ATP13A2: variants seen among roughly 807,000 people sequenced by gnomAD.
ATP13A2 encodes the protein polyamine-transporting ATPase 13A2.
In ATP13A2, 83 loss-of-function variants were observed where a neutral mutation model predicts 138.3. The observed-to-expected ratio is 0.60, with a 90% CI of 0.50 to 0.72. The LOEUF is 0.72. Ranked by LOEUF, ATP13A2 falls within the 30% of genes least tolerant of loss-of-function variation. The probability of loss-of-function intolerance (pLI) is 0.00; values close to 1 mark genes in which losing one functional copy is unlikely to be tolerated. For missense variants in ATP13A2, 1,402 were observed against 1,606.4 expected, an observed-to-expected ratio of 0.87 and a Z score of 2.17; for synonymous variants, 663 against 699.0, an observed-to-expected ratio of 0.95 and a Z score of 0.81.
intron 11 of ATP13A2, among the ~76,000 whole-genome samples, chr1:16,997,414 C>CGGGGGGGGGGG (rs1379881479): frequency 8.8e-5 from 5 of 56,606 alleles, no homozygotes; most frequent in African/African-American, 9.5e-5. Context: ...CTGGAACCAG[C>CGGGGGGGGGGG]GGGGGGGGGT....
chr1:16,986,527 G>A lies in ATP13A2; in HGVS notation c.3341C>T (p.Thr1114Ile), dbSNP rs1346873117. 1.2e-6 allele frequency: 2 copies of A among 1,612,574 alleles called. No homozygotes were observed. The highest frequency in any genetic ancestry group is 1.7e-6 in the Non-Finnish European group (2 of 1,179,908). Residue 1114 changes from threonine to isoleucine, a missense_variant, in exon 28 of 29, where the codon ACC becomes ATC. Coordinates refer to ENST00000326735, the MANE Select transcript of ATP13A2 (RefSeq NM_022089.4). The surrounding 1 kb of genome is among the most constrained non-coding windows in gnomAD (Gnocchi z 6.9). ...ACCCAGCAGCAGCAGCTTGAAGCCG[G>A]TGTCAGTGATGTTCCTCAGCGCCAG... Reference protein sequence around the residue: ...GPLALRNITDTGFKLLLLGLV... With the variant: ...GPLALRNITDIGFKLLLLGLV...
At chr1:17,002,264 C>G in intron 7 of ATP13A2, 32 bp downstream of exon 7, 1 of 1,608,414 alleles carries the variant, frequency 6.2e-7, no homozygotes, top group Non-Finnish European at 8.5e-7. Flanking sequence ...AGCCCCAGTT[C>G]TCAGGGCACC....
At chr1:17,003,666 CTTT>C (rs71006407) in intron 6 of ATP13A2, among the ~76,000 whole-genome samples, 52 of 129,798 alleles carry the variant, frequency 4.0e-4, no homozygotes, top group Admixed American at 5.5e-4. Flanking sequence ...GTTTCTTTTT[CTTT>C]TTTTTTTTTT....
chr1:16,997,059 A>G lies in ATP13A2; in HGVS notation c.1156T>C (p.Tyr386His). 1 of 1,613,180 alleles carries G rather than the reference A, an allele frequency of 6.2e-7. No homozygotes were observed. The highest frequency in any genetic ancestry group is 8.5e-7 in the Non-Finnish European group (1 of 1,179,986). ...CGTLILQARA[Y>H]VGPHVLAVVT... The stretch of plus-strand genomic sequence containing the variant: ...ACTGCCAGGACGTGCGGTCCCACAT[A>G]GGCCCGGGCCTGCAAGATGAGGGTC... The change falls in exon 12 of 29, where the codon TAT (tyrosine) becomes CAT (histidine). Residue 386 changes from tyrosine (Y) to histidine (H), a missense_variant. Tyr to His is a moderately conservative substitution (Grantham distance 83). Coordinates refer to ENST00000326735, the MANE Select transcript of ATP13A2 (RefSeq NM_022089.4).
At chr1:16,999,380 C>CAAAAA (rs67969184) in intron 11 of ATP13A2, among the ~76,000 whole-genome samples, 2 of 56,158 alleles carry the variant, frequency 3.6e-5, no homozygotes, top group Non-Finnish European at 3.1e-5. Flanking sequence ...AACTCCATCT[C>CAAAAA]AAAAAAAAAA....
In ATP13A2 at chr1:16,988,207, C is replaced by T. The variant is rs3738815; in HGVS notation, c.2790G>A (p.Ser930=). The T allele has an allele frequency of 0.21, 336,426 of 1,613,830 alleles. 39,054 individuals are homozygous for T. Among genetic ancestry groups the T allele is most frequent in the East Asian group, 0.54 (24,074 of 44,850 alleles). Residue 930 remains serine, a synonymous_variant, in exon 25 of 29, where the codon TCG becomes TCA. Coordinates refer to ENST00000326735, the MANE Select transcript of ATP13A2 (RefSeq NM_022089.4). ...GAGCCATGTACTTGAAGACGCTGAA[C>T]GAAGTGTCAAGGGAACAGCGCCCCT... The part of the protein sequence containing the change: ...IREGRCSLDT[S]FSVFKYMALY...
chr1:16,992,543 C>G lies in ATP13A2; in HGVS notation c.1788G>C (p.Gly596=). The G allele has an allele frequency of 6.2e-7, 1 of 1,614,196 alleles. No individual in the cohort carries two copies. The highest frequency in any genetic ancestry group is 8.5e-7 in the Non-Finnish European group (1 of 1,180,030). The part of the protein sequence containing the change: ...EEEPAADSAF[G]TQVLAVMRPP... Reference sequence around the variant, plus strand: ...GTCTCATCACTGCCAAGACCTGGGTCCCAAATGCTGAGTCTGCAGCCGGCT... The same window carrying G: ...GTCTCATCACTGCCAAGACCTGGGTGCCAAATGCTGAGTCTGCAGCCGGCT... Residue 596 remains glycine (G), a synonymous_variant, in exon 17 of 29, where the codon GGG becomes GGC. Coordinates refer to ENST00000326735, the MANE Select transcript of ATP13A2 (RefSeq NM_022089.4).
chr1:16,989,217 A>G (rs999380159), intron 23 of ATP13A2, among the ~76,000 whole-genome samples: 2 of 151,362 alleles, frequency 1.3e-5, no homozygotes, highest in Non-Finnish European at 1.5e-5. Context: ...CGCCTGGCCT[A>G]TTACTATTTT....
intron 23 of ATP13A2, 95 bp from the exon 24 acceptor site, chr1:16,988,569 C>T: frequency 6.7e-7 from 1 of 1,497,872 alleles, no homozygotes; most frequent in Non-Finnish European, 9.3e-7. Flanking sequence ...CCCCTAATGC[C>T]ACATGGTGCC....
chr1:16,985,967 A>T lies in ATP13A2; in HGVS notation c.*254T>A, dbSNP rs943308193. 1 of 1,439,912 alleles carries T rather than the reference A, an allele frequency of 6.9e-7. No individual in the cohort carries two copies. The highest frequency in any genetic ancestry group is 2.6e-5 in the East Asian group (1 of 39,118). The allele number at this position is 1,439,912 out of a possible 1,614,324, so 89.2% of individuals were successfully genotyped here. ...AGACAGGCACAGCAGAGCCAGGAAA[A>T]TATCATGACTTTATTTGCTACACTG... On this transcript the variant is annotated 3_prime_UTR_variant, in exon 29 of 29. Transcript: ENST00000326735.
At chr1:16,989,512 A>G (rs1301087485) in intron 23 of ATP13A2, among the ~76,000 whole-genome samples, 179 bp downstream of exon 23, 3 of 152,220 alleles carry the variant, frequency 2.0e-5, no homozygotes, top group African/African-American at 7.2e-5. Context: ...CACCCAGCCT[A>G]CAATTATTAT....
chr1:17,004,848 C>A lies in ATP13A2; in HGVS notation c.348-27G>T, dbSNP rs1011484580. ...TGGGGAAGCAGGTGAGGGTTACTCT[C>A]GAGCTCTGGGAGCTGCCCTGGCACC... On this transcript the variant is annotated intron_variant, in intron 4 of 28. Transcript: ENST00000326735. The surrounding 1 kb of genome is among the most constrained non-coding windows in gnomAD (Gnocchi z 4.1). The A allele has an allele frequency of 6.2e-7, 1 of 1,613,652 alleles. No individual in the cohort carries two copies. The highest frequency in any genetic ancestry group is 1.7e-5 in the Admixed American group (1 of 60,020).
intron 1 of ATP13A2, among the ~76,000 whole-genome samples, chr1:17,009,387 C>CT (rs1161920218): frequency 0.43 from 50,448 of 116,180 alleles, 11,750 homozygotes; most frequent in Non-Finnish European, 0.54. Flanking sequence ...GAGCCTCTTC[C>CT]TTTTTTTTTT....
chr1:16,991,379 C>T (rs1025896091), intron 20 of ATP13A2, among the ~76,000 whole-genome samples: 2 of 152,294 alleles, frequency 1.3e-5, no homozygotes, highest in South Asian at 4.2e-4. Flanking sequence ...AGTACCGTGC[C>T]CGGCCAGAAT....
chr1:16,998,590 C>A (rs1175145888), intron 11 of ATP13A2, among the ~76,000 whole-genome samples: 1 of 152,130 alleles, frequency 6.6e-6, no homozygotes, highest in African/African-American at 2.4e-5. Context: ...TAAACTCTCT[C>A]CAGTATCTAC....
Position 16,996,911 on chromosome 1 carries a change from C to G in ATP13A2, c.1195+109G>C, listed in dbSNP as rs1423920457. The stretch of plus-strand genomic sequence containing the variant: ...CCGAGGTCCCACAGCAGGGCAGCAG[C>G]AGAGGTGGGCGTGGGGTCCAGGGTT... On this transcript the variant is annotated intron_variant, in intron 12 of 28. Coordinates refer to ENST00000326735, the MANE Select transcript of ATP13A2 (RefSeq NM_022089.4). The G allele has an allele frequency of 2.2e-6, 3 of 1,374,912 alleles. No individual in the cohort carries two copies. The African/African-American group carries it at 4.3e-5, about 20-fold the overall frequency. The allele number at this position is 1,374,912 out of a possible 1,614,324, so 85.2% of individuals were successfully genotyped here.
In ATP13A2 at chr1:17,000,383, C is replaced by G; in HGVS notation, c.840+17G>C. Reference sequence around the variant, plus strand: ...GGGACCCACCTGTCCCGTCCCCACCCACCTTATGGCACTCACCTTTCTGGT... The same window carrying G: ...GGGACCCACCTGTCCCGTCCCCACCGACCTTATGGCACTCACCTTTCTGGT... On this transcript the variant is annotated intron_variant, in intron 9 of 28. Coordinates refer to ENST00000326735, the MANE Select transcript of ATP13A2 (RefSeq NM_022089.4). 2 of 1,607,606 alleles carry G rather than the reference C, an allele frequency of 1.2e-6. No individual in the cohort carries two copies. Among genetic ancestry groups the G allele is most frequent in the Non-Finnish European group, 1.7e-6 (2 of 1,176,998 alleles).
At chr1:17,008,958 AAAAAAAAAAAAAAAAACCCTCAGGCC>A (rs1404747784) in intron 1 of ATP13A2, among the ~76,000 whole-genome samples, 1 of 50,882 alleles carries the variant, frequency 2.0e-5, no homozygotes, top group Non-Finnish European at 3.6e-5. Context: ...AGCAAGACTC[AAAAAAAAAAAAAAAAACCCTCAGGCC>A]AACAGCCCAG....
At position 17,002,225 on chromosome 1, in the gene ATP13A2, A is replaced by G. The variant is rs575271769; in HGVS notation, c.635+71T>C. 2.1e-4 allele frequency: 327 copies of G among 1,588,908 alleles called. 1 individual carries two copies. The East Asian group carries it at 4.8e-3, about 23-fold the overall frequency. ...GGCCCAGAGAAGGCAGGTGACTGGAAGGCAACCACATTGGGGGGCAACACA... is the reference window on the plus strand; with the variant it reads ...GGCCCAGAGAAGGCAGGTGACTGGAGGGCAACCACATTGGGGGGCAACACA... On this transcript the variant is annotated intron_variant, in intron 7 of 28. Coordinates refer to ENST00000326735, the MANE Select transcript of ATP13A2 (RefSeq NM_022089.4).
Sources: allele counts gnomAD v4.1 joint callset (sites outside exome capture counted in the v4.1 genomes callset), GRCh38; gene constraint gnomAD v4.1.1; non-coding constraint Gnocchi (gnomAD v3.1); transcripts MANE v1.5; gene names NCBI Gene and HGNC (gene_info 2026-07-23, HGNC 2026-07-21).